The following AHCYL1 variants were observed in gnomAD, a reference collection of about 807,000 sequenced individuals.
The protein encoded by AHCYL1 is S-adenosylhomocysteine hydrolase-like protein 1.
AHCYL1 carries 20 observed loss-of-function variants against 79.3 expected under a neutral mutation model. The observed-to-expected ratio is 0.25, with a 90% confidence interval of 0.18 to 0.37. AHCYL1 has a LOEUF of 0.37. AHCYL1 is among the 10% of genes least tolerant of loss of function. The probability of loss-of-function intolerance (pLI) is 1.00; values close to 1 mark genes in which losing one functional copy is unlikely to be tolerated. For synonymous variants in AHCYL1, 223 were observed against 242.2 expected (o/e 0.92, Z 0.74); for missense variants, 330 against 673.6 (o/e 0.49, Z 5.65).
At chr1:110,016,856 T>C in intron 9 of AHCYL1, 126 bp downstream of exon 9, 1 of 996,630 alleles carries the variant, frequency 1.0e-6, no homozygotes, top group Non-Finnish European at 1.5e-6. Flanking sequence ...ATAATGTATC[T>C]CAAACAATAG....
intron 9 of AHCYL1, 121 bp from the exon 10 acceptor site, chr1:110,017,374 G>C (rs1651485999): frequency 1.2e-6 from 1 of 833,886 alleles, no homozygotes; most frequent in Non-Finnish European, 1.9e-6. Flanking sequence ...CGTCTGTGCA[G>C]CTGCTCACCA....
At chr1:110,005,127 A>G (rs1646319402) in intron 1 of AHCYL1, among the ~76,000 whole-genome samples, 2 of 152,228 alleles carry the variant, frequency 1.3e-5, no homozygotes, top group African/African-American at 4.8e-5. Context: ...GTAGTGTACC[A>G]AAAGAGGGAT....
chr1:110,003,106 G>A (rs901206562), intron 1 of AHCYL1, among the ~76,000 whole-genome samples: 2 of 152,192 alleles, frequency 1.3e-5, no homozygotes, highest in African/African-American at 4.8e-5. Flanking sequence ...TGAGGAGACT[G>A]TTGGGATATA....
intron 16 of AHCYL1, 88 bp from the exon 17 acceptor site, chr1:110,021,586 C>A: frequency 7.3e-7 from 1 of 1,368,840 alleles, no homozygotes; most frequent in African/African-American, 1.4e-5. Flanking sequence ...GGGGAGGGGC[C>A]CTGGAGAAGG....
At position 110,012,390 on chromosome 1, in the gene AHCYL1, A is replaced by G; in HGVS notation, c.405A>G (p.Lys135=). 6.2e-7 allele frequency: 1 copy of G among 1,613,920 alleles called. No homozygotes were observed. Among genetic ancestry groups the G allele is most frequent in the African/African-American group, 1.3e-5 (1 of 75,068 alleles). The change falls in exon 4 of 17, where the codon AAA becomes AAG. Residue 135 remains lysine, a synonymous_variant. Transcript: ENST00000369799. ...QDMSALISLR[K]RAQGEKPLAG... The stretch of plus-strand genomic sequence containing the variant: ...TGTCTGCTCTGATTTCACTCAGGAA[A>G]CGTGCTCAGGGGGAGAAGCCCTTGG...
At chr1:110,013,872 C>T (rs1161820602) in intron 5 of AHCYL1, among the ~76,000 whole-genome samples, 1 of 148,822 alleles carries the variant, frequency 6.7e-6, no homozygotes, top group Non-Finnish European at 1.5e-5. Context: ...GCAGTCTCGG[C>T]TCACTGCAAC....
At chr1:109,991,184 A>C (rs139298441) in intron 1 of AHCYL1, among the ~76,000 whole-genome samples, 285 of 152,348 alleles carry the variant, frequency 1.9e-3, no homozygotes, top group African/African-American at 6.5e-3. Context: ...ACTGCTTATC[A>C]GTATACATTG....
chr1:109,992,078 G>A (rs1044284676), intron 1 of AHCYL1, among the ~76,000 whole-genome samples: 5 of 150,852 alleles, frequency 3.3e-5, no homozygotes, highest in African/African-American at 1.2e-4. Context: ...AGAAATCTGG[G>A]GGCGGGGGGA....
chr1:109,993,709 T>C (rs1279596176), intron 1 of AHCYL1, among the ~76,000 whole-genome samples: 1 of 152,212 alleles, frequency 6.6e-6, no homozygotes, highest in East Asian at 1.9e-4. Context: ...CTCCAGCTTC[T>C]TAGCCCAGTG....
chr1:110,000,911 G>C (rs1650276369), intron 1 of AHCYL1: 7 of 975,312 alleles, frequency 7.2e-6, no homozygotes, highest in Non-Finnish European at 8.5e-6. Flanking sequence ...TCTGTAAACT[G>C]TAAGCCACAG....
Position 109,984,805 on chromosome 1 carries a change from G to A in AHCYL1, c.-248G>A, listed in dbSNP as rs1247973172. On this transcript the variant is annotated 5_prime_UTR_variant, in exon 1 of 17. Coordinates refer to ENST00000369799, the MANE Select transcript of AHCYL1 (RefSeq NM_006621.7). ...TTGCGTACAGCGGAGGTGGCGGCGC[G>A]GGCAGGTCGGAGCTCGGAGCTGCTG... 5 of 378,100 alleles carry A rather than the reference G, an allele frequency of 1.3e-5. No homozygotes were observed. Among genetic ancestry groups the A allele is most frequent in the Non-Finnish European group, 2.1e-5 (5 of 234,844 alleles). 23.4% of individuals were successfully genotyped at this position (378,100 alleles called of 1,614,324 possible).
At chr1:110,018,051 G>A (rs1202759864) in intron 11 of AHCYL1, 35 bp downstream of exon 11, 1 of 1,609,400 alleles carries the variant, frequency 6.2e-7, no homozygotes, top group African/African-American at 1.3e-5. Context: ...TTTATTCAGA[G>A]GCTAAATCTT....
At chr1:110,001,928 A>G (rs928627847) in intron 1 of AHCYL1, among the ~76,000 whole-genome samples, 12 of 152,258 alleles carry the variant, frequency 7.9e-5, no homozygotes, top group African/African-American at 2.9e-4. Flanking sequence ...ATATATCTTT[A>G]TGAAATATAT....
intron 2 of AHCYL1, among the ~76,000 whole-genome samples, chr1:110,010,560 G>A (rs146991173): frequency 1.2e-4 from 18 of 152,302 alleles, no homozygotes; most frequent in Non-Finnish European, 2.5e-4. Flanking sequence ...TTTGCCTTTT[G>A]TGCCATTTCT....
intron 7 of AHCYL1, 48 bp from the exon 8 acceptor site, chr1:110,016,296 C>G: frequency 7.2e-7 from 1 of 1,393,944 alleles, no homozygotes; most frequent in Non-Finnish European, 1.0e-6. Context: ...TTATGTTGTG[C>G]CAGCTAACTT....
Position 110,003,372 on chromosome 1 carries a change from G to GA in AHCYL1, c.121-5658dup, listed in dbSNP as rs59734281. On this transcript the variant is annotated intron_variant, in intron 1 of 16. Coordinates refer to ENST00000369799, the MANE Select transcript of AHCYL1 (RefSeq NM_006621.7). ...ATAGAGAGAGAAAAAACCTATTATG[G>GA]AAAACGGAAAGATTTATTCTAGGTG... is the stretch of plus-strand genomic sequence containing the variant. Among the ~76,000 whole-genome samples the GA allele has an allele frequency of 9.2e-5, 14 of 152,196 alleles. 1 individual carries two copies. The highest frequency in any genetic ancestry group is 7.8e-4 in the Admixed American group (12 of 15,292).
intron 1 of AHCYL1, among the ~76,000 whole-genome samples, chr1:109,996,204 TG>T (rs1437156082): frequency 6.6e-6 from 1 of 152,094 alleles, no homozygotes; most frequent in African/African-American, 2.4e-5. Flanking sequence ...AGCAAGACTA[TG>T]TCTCAAAAAA....
At chr1:110,011,845 C>T (rs1007797550) in intron 3 of AHCYL1, among the ~76,000 whole-genome samples, 45 of 152,300 alleles carry the variant, frequency 3.0e-4, no homozygotes, top group African/African-American at 9.4e-4. Context: ...TTTCTCTACC[C>T]CAGCCACTCC....
intron 1 of AHCYL1, among the ~76,000 whole-genome samples, chr1:109,993,545 G>A (rs963668255): frequency 6.6e-6 from 1 of 152,178 alleles, no homozygotes; most frequent in African/African-American, 2.4e-5. Context: ...CCTTTCAGTT[G>A]GCTGGGGTGA....
Sources: allele counts gnomAD v4.1 joint callset (sites outside exome capture counted in the v4.1 genomes callset), GRCh38; gene constraint gnomAD v4.1.1; transcripts MANE v1.5; gene names NCBI Gene and HGNC (gene_info 2026-07-23, HGNC 2026-07-21).